Variants in GALNT11 observed in about 807,000 individuals in gnomAD.
GALNT11 encodes the protein polypeptide N-acetylgalactosaminyltransferase 11.
A neutral mutation model predicts 72.7 loss-of-function variants in GALNT11; 47 were observed. The ratio of observed to expected loss-of-function variants is 0.65; its 90% CI spans 0.51 to 0.82. The LOEUF is 0.82. Among genes scored for constraint, GALNT11 ranks in the 40% least tolerant of loss-of-function variants. The pLI is 0.00. For missense variants in GALNT11, 677 were observed against 778.4 expected (o/e 0.87, Z 1.55); for synonymous variants, 270 against 286.6 (o/e 0.94, Z 0.58).
intron 1 of GALNT11, chr7:152,074,457 T>C (rs1269162895): frequency 2.0e-5 from 3 of 152,230 alleles, no homozygotes; most frequent in Non-Finnish European, 2.9e-5. Context: ...ATATTGTGGA[T>C]TGATTTCTGG....
chr7:152,067,478 A>G (rs553533385), intron 1 of GALNT11, among the ~76,000 whole-genome samples: 1 of 152,348 alleles, frequency 6.6e-6, no homozygotes, highest in Non-Finnish European at 1.5e-5. Context: ...TTTGGGCTAT[A>G]ATGCAATACA....
At chr7:152,077,574 C>CA (rs2085061998) in intron 1 of GALNT11, among the ~76,000 whole-genome samples, 1 of 152,100 alleles carries the variant, frequency 6.6e-6, no homozygotes, top group African/African-American at 2.4e-5. Context: ...ACTGAAGCTC[C>CA]ATGGGGTCAC....
intron 1 of GALNT11, among the ~76,000 whole-genome samples, chr7:152,087,321 G>A (rs1375232780): frequency 1.3e-5 from 2 of 152,176 alleles, no homozygotes; most frequent in Non-Finnish European, 2.9e-5. Flanking sequence ...AAGATTCAAT[G>A]GCAGTGAAAG....
intron 1 of GALNT11, among the ~76,000 whole-genome samples, chr7:152,028,402 G>C (rs2082141979): frequency 6.6e-6 from 1 of 152,142 alleles, no homozygotes; most frequent in South Asian, 2.1e-4. Context: ...GCTGATTGGT[G>C]CATTTACAAT....
At chr7:152,073,359 TC>T (rs897558644) in intron 1 of GALNT11, among the ~76,000 whole-genome samples, 1 of 152,202 alleles carries the variant, frequency 6.6e-6, no homozygotes, top group African/African-American at 2.4e-5. Flanking sequence ...TTCTGTGAGA[TC>T]AACTGTTTTT....
At chr7:152,078,536 TTGAAACCCCA>T (rs2085121525) in intron 1 of GALNT11, among the ~76,000 whole-genome samples, 2 of 152,196 alleles carry the variant, frequency 1.3e-5, no homozygotes, top group Non-Finnish European at 2.9e-5. Context: ...GCAAAGATTT[TTGAAACCCCA>T]TGAAAGATGA....
intron 10 of GALNT11, chr7:152,119,478 A>AATGTGTGCTGTG (rs767091208): frequency 1.3e-5 from 2 of 152,018 alleles, no homozygotes; most frequent in African/African-American, 2.4e-5. Flanking sequence ...TTGGGTAAAT[A>AATGTGTGCTGTG]ATGTGTGCTG....
intron 1 of GALNT11, among the ~76,000 whole-genome samples, chr7:152,055,652 C>T (rs1214876308): frequency 3.3e-5 from 5 of 151,170 alleles, no homozygotes; most frequent in Non-Finnish European, 7.4e-5. Context: ...TTAAATATTT[C>T]TCAAAAACTA....
intron 1 of GALNT11, among the ~76,000 whole-genome samples, chr7:152,074,583 T>G (rs994882366): frequency 5.3e-5 from 8 of 152,176 alleles, no homozygotes; most frequent in Non-Finnish European, 1.0e-4. Flanking sequence ...GCTTCCAGCT[T>G]TATAACTTTT....
intron 1 of GALNT11, among the ~76,000 whole-genome samples, chr7:152,080,428 T>A (rs1008471365): frequency 7.9e-5 from 12 of 152,186 alleles, no homozygotes; most frequent in Admixed American, 2.0e-4. Flanking sequence ...GTAGAAAATG[T>A]TTTAAATAAA....
chr7:152,118,906 G>A lies in GALNT11; in HGVS notation c.1557+124G>A. ...TTCTGGCTTTTCTTAACCCATTTCT[G>A]TGTAGTGTTGCGTTATTGGAACGCT... On this transcript the variant is annotated intron_variant, in intron 10 of 11. Coordinates refer to ENST00000430044, the MANE Select transcript of GALNT11 (RefSeq NM_022087.4). 14 of 667,972 alleles carry A rather than the reference G, an allele frequency of 2.1e-5. No individual in the cohort carries two copies. In the South Asian group the frequency reaches 3.1e-4, roughly 15 times the overall value. The allele number at this position is 667,972 out of a possible 1,614,324, so 41.4% of individuals were successfully genotyped here.
chr7:152,113,912 A>T (rs751656478), intron 8 of GALNT11, among the ~76,000 whole-genome samples: 22 of 125,352 alleles, frequency 1.8e-4, no homozygotes, highest in Admixed American at 5.1e-4. Flanking sequence ...AATTTTTTTT[A>T]AAAAGTGTTT....
chr7:152,111,502 G>A (rs979308600), intron 7 of GALNT11, among the ~76,000 whole-genome samples: 13 of 152,086 alleles, frequency 8.5e-5, no homozygotes, highest in Admixed American at 3.9e-4. Flanking sequence ...TGGTGGTAAA[G>A]TCTGGCTTTT....
intron 8 of GALNT11, among the ~76,000 whole-genome samples, chr7:152,113,780 A>G (rs1323855390): frequency 1.7e-5 from 2 of 117,666 alleles, no homozygotes; most frequent in Non-Finnish European, 3.3e-5. Context: ...TTTGTCACCC[A>G]GGCAGGAGTG....
chr7:152,121,632 G>C lies in GALNT11; in HGVS notation c.1782G>C (p.Ala594=). The C allele has an allele frequency of 6.2e-7, 1 of 1,614,222 alleles. No homozygotes were observed. Among genetic ancestry groups the C allele is most frequent in the Non-Finnish European group, 8.5e-7 (1 of 1,180,046 alleles). Residue 594 remains alanine, a synonymous_variant, in exon 12 of 12, where the codon GCG becomes GCC. Coordinates refer to ENST00000430044, the MANE Select transcript of GALNT11 (RefSeq NM_022087.4). ...GTCAGAAGGGCTCTGTCGCCATGGC[G>C]ATCTGCGATGGCTCCTCTTCACAGC... ...PLGQKGSVAM[A]ICDGSSSQQW...
At chr7:152,058,237 C>CA (rs1183680626) in intron 1 of GALNT11, among the ~76,000 whole-genome samples, 1 of 152,156 alleles carries the variant, frequency 6.6e-6, no homozygotes, top group African/African-American at 2.4e-5. Flanking sequence ...TCTGAGCCTT[C>CA]AGTGAGTGGT....
chr7:152,079,339 T>C (rs1042348349), intron 1 of GALNT11: 2 of 152,238 alleles, frequency 1.3e-5, no homozygotes, highest in African/African-American at 2.4e-5. Context: ...ATTCAAAGTG[T>C]TGAAGAATAA....
chr7:152,104,342 G>A (rs991231224), intron 4 of GALNT11: 2 of 152,146 alleles, frequency 1.3e-5, no homozygotes, highest in African/African-American at 2.4e-5. Flanking sequence ...GCACTCGAGC[G>A]TTTATTAAGT....
Position 152,050,510 on chromosome 7 carries a change from C to T in GALNT11, c.-39+24626C>T, listed in dbSNP as rs533319494. ...AGTGTCCAAGTTGTAAGAGAAAATCCTGTTTACTCTTCCGTCTCCTTTCCT... is the reference window on the plus strand; with the variant it reads ...AGTGTCCAAGTTGTAAGAGAAAATCTTGTTTACTCTTCCGTCTCCTTTCCT... On this transcript the variant is annotated intron_variant, in intron 1 of 11. Transcript: ENST00000430044. Among the ~76,000 whole-genome samples, 214 of 152,278 alleles carry T rather than the reference C, an allele frequency of 1.4e-3. 2 individuals carry two copies. The highest frequency in any genetic ancestry group is 6.8e-3 in the Middle Eastern group (2 of 294).
Sources: gnomAD v4.1 joint callset for allele counts (sites outside exome capture counted in the v4.1 genomes callset) on GRCh38, gnomAD v4.1.1 for gene constraint, MANE v1.5 for transcripts, NCBI Gene and HGNC (gene_info 2026-07-23, HGNC 2026-07-21) for gene names.